The following SPTAN1 variants were observed in gnomAD, a reference collection of about 807,000 sequenced individuals.
SPTAN1 encodes spectrin alpha chain, non-erythrocytic 1.
SPTAN1 carries 61 observed loss-of-function variants against 331.3 expected under a neutral mutation model. The observed-to-expected ratio is 0.18, with a 90% CI of 0.15 to 0.23. The LOEUF is 0.23. Ranked by LOEUF, SPTAN1 falls within the 10% of genes least tolerant of loss-of-function variation. The pLI is 1.00. For synonymous variants in SPTAN1, 1,153 were observed against 1,173.9 expected (o/e 0.98, Z 0.36); for missense variants, 2,043 against 3,147.9 (o/e 0.65, Z 8.40).
chr9:128,593,604 A>T (rs1465493020), intron 23 of SPTAN1: 1 of 207,406 alleles, frequency 4.8e-6, no homozygotes, highest in African/African-American at 2.3e-5. Flanking sequence ...TGGCACAGAT[A>T]CTCAGTACTG....
chr9:128,578,690 A>G (rs760156963), intron 9 of SPTAN1, among the ~76,000 whole-genome samples: 3 of 152,058 alleles, frequency 2.0e-5, no homozygotes, highest in Non-Finnish European at 2.9e-5. Flanking sequence ...TTAGCTGGTC[A>G]TGGTGGCACG....
intron 22 of SPTAN1, among the ~76,000 whole-genome samples, chr9:128,592,306 GCT>G (rs1208974282): frequency 1.3e-5 from 2 of 148,474 alleles, no homozygotes; most frequent in African/African-American, 5.0e-5. Flanking sequence ...ACAGATTCTC[GCT>G]CTGTCATCCA....
Position 128,583,808 on chromosome 9 carries a change from A to G in SPTAN1, c.2032A>G (p.Asn678Asp). ...CATAGGAATAAAGCTTCGTGAAGCC[A>G]ACCAGCAACAGCAATTTAATCGCAA... ...ELKGIKLREA[N>D]QQQQFNRNVE... Residue 678 changes from asparagine to aspartate, a missense_variant, in exon 16 of 57, where the codon AAC (asparagine) becomes GAC (aspartate). Around this residue, in one of 12 missense-constraint regions of SPTAN1, gnomAD observed 1,038 missense variants for 1,531.5 expected, o/e 0.68. Transcript: ENST00000372739. The G allele has an allele frequency of 6.2e-7, 1 of 1,614,242 alleles. No homozygotes were observed. Among genetic ancestry groups the G allele is most frequent in the Non-Finnish European group, 8.5e-7 (1 of 1,180,044 alleles).
At position 128,629,109 on chromosome 9, in the gene SPTAN1, T is replaced by C. The variant is rs1380627200; in HGVS notation, c.6707+1167T>C. 2 of 398,660 alleles carry C rather than the reference T, an allele frequency of 5.0e-6. No homozygotes were observed. Among genetic ancestry groups the C allele is most frequent in the Non-Finnish European group, 8.8e-6 (2 of 226,184 alleles). 24.7% of individuals were successfully genotyped at this position (398,660 alleles called of 1,614,324 possible). On this transcript the variant is annotated intron_variant, in intron 51 of 56. Coordinates refer to ENST00000372739, the MANE Select transcript of SPTAN1 (RefSeq NM_001130438.3). This position sits in a 1 kb window ranked among gnomAD's most constrained non-coding sequence, Gnocchi z 4.9. The stretch of plus-strand genomic sequence containing the variant: ...CTCCCTTTGGTGTATTCATTTGGTT[T>C]CTTTTCTTTGAATAGCATAGCATAT...
intron 10 of SPTAN1, among the ~76,000 whole-genome samples, chr9:128,579,969 T>C (rs562211193): frequency 2.0e-5 from 3 of 152,250 alleles, no homozygotes; most frequent in East Asian, 3.9e-4. Context: ...TTACAGGGAC[T>C]TTCTGTAGGG....
At chr9:128,555,298 TC>T in intron 1 of SPTAN1, 1 of 1,190,638 alleles carries the variant, frequency 8.4e-7, no homozygotes, top group Non-Finnish European at 1.1e-6. Flanking sequence ...ATGATTTTGT[TC>T]CGTTTGCCCT....
At chr9:128,624,199 G>T in intron 45 of SPTAN1, 129 bp from the exon 46 acceptor site, 8 of 947,192 alleles carry the variant, frequency 8.4e-6, no homozygotes, top group Non-Finnish European at 1.1e-5. Context: ...CCCTATCATT[G>T]TTTACCCAGC....
In SPTAN1 at chr9:128,609,448, G is replaced by T; in HGVS notation, c.4758+164G>T. ...GGGAAAGCCCTAGTCAAGTTTCAGA[G>T]CCATTTAAAAGTTGCCTTCCTCATT... On this transcript the variant is annotated intron_variant, in intron 36 of 56. Transcript: ENST00000372739. 12 of 1,203,212 alleles carry T rather than the reference G, an allele frequency of 1.0e-5. No individual in the cohort carries two copies. In the South Asian group the frequency reaches 1.6e-4, roughly 16 times the overall value. 74.5% of individuals were successfully genotyped at this position (1,203,212 alleles called of 1,614,324 possible).
intron 22 of SPTAN1, 46 bp downstream of exon 22, chr9:128,591,671 A>G (rs532868933): frequency 2.8e-5 from 45 of 1,611,282 alleles, no homozygotes; most frequent in Admixed American, 1.3e-4. Flanking sequence ...TCCCATAGGC[A>G]TACTCTGTTC....
chr9:128,569,153 A>T (rs989538968), intron 3 of SPTAN1, among the ~76,000 whole-genome samples: 1 of 152,194 alleles, frequency 6.6e-6, no homozygotes, highest in African/African-American at 2.4e-5. Flanking sequence ...TTTAAAGAAA[A>T]CTGTGAATTT....
Position 128,583,907 on chromosome 9 carries a change from A to T in SPTAN1, c.2131A>T (p.Thr711Ser). 1 of 1,614,232 alleles carries T rather than the reference A, an allele frequency of 6.2e-7. No homozygotes were observed. The highest frequency in any genetic ancestry group is 8.5e-7 in the Non-Finnish European group (1 of 1,180,054). Reference protein sequence around the residue: ...LASDDYGKDLTNVQNLQKKHA... With the variant: ...LASDDYGKDLSNVQNLQKKHA... ...TTCGGATGATTACGGCAAAGATCTT[A>T]CCAATGTGCAGAACCTCCAGAAGAA... Residue 711 changes from threonine to serine, a missense_variant, in exon 16 of 57, where the codon ACC (threonine) becomes TCC (serine). This residue lies in a region of SPTAN1 where 1,038 missense variants were observed against 1,531.5 expected (regional missense o/e 0.68). Coordinates refer to ENST00000372739, the MANE Select transcript of SPTAN1 (RefSeq NM_001130438.3).
rs1342900033 is a variant in SPTAN1 at position 128,598,493 on chromosome 9, G to A, written c.3508G>A (p.Val1170Met). 1 of 1,608,204 alleles carries A rather than the reference G, an allele frequency of 6.2e-7. No individual in the cohort carries two copies. ...EGLMAEEVQA[V>M]QQQEVYGMMP... is the part of the protein sequence containing the mutation. ...TCTCATGGCAGAGGAGGTGCAGGCTGTGCAACAACAGGTAGGTGTCTCCAT... is the reference window on the plus strand; with the variant it reads ...TCTCATGGCAGAGGAGGTGCAGGCTATGCAACAACAGGTAGGTGTCTCCAT... Residue 1170 changes from valine to methionine, a missense_variant, in exon 25 of 57, where the codon GTG becomes ATG. Transcript: ENST00000372739.
chr9:128,594,070 G>C, intron 23 of SPTAN1, 105 bp from the exon 24 acceptor site: 6 of 1,072,622 alleles, frequency 5.6e-6, no homozygotes, highest in Non-Finnish European at 2.9e-6. Context: ...CAAACTCGTA[G>C]CCTGGAATCC....
chr9:128,618,728 C>G, intron 43 of SPTAN1, 143 bp from the exon 44 acceptor site: 6 of 1,191,672 alleles, frequency 5.0e-6, no homozygotes, highest in Non-Finnish European at 6.2e-6. Flanking sequence ...CGTGATCTGC[C>G]CGCCTCGGCC....
In SPTAN1 at chr9:128,627,266, C is replaced by T. The variant is rs539704545; in HGVS notation, c.6577-120C>T. Reference sequence around the variant, plus strand: ...CGGCCTCATGTCTCCCAGCCTCCTCCTCTCATCTTTGGGGAGGTTCCTTGT... The same window carrying T: ...CGGCCTCATGTCTCCCAGCCTCCTCTTCTCATCTTTGGGGAGGTTCCTTGT... On this transcript the variant is annotated intron_variant, in intron 49 of 56. Transcript: ENST00000372739. The surrounding 1 kb of genome is among the most constrained non-coding windows in gnomAD (Gnocchi z 4.9). The T allele has an allele frequency of 1.1e-4, 91 of 845,376 alleles. No individual in the cohort carries two copies. Among genetic ancestry groups the T allele is most frequent in the Admixed American group, 1.9e-4 (9 of 46,602 alleles). The allele number at this position is 845,376 out of a possible 1,614,324, so 52.4% of individuals were successfully genotyped here. A position where few individuals can be genotyped will look rare whatever the true frequency, so the allele number is the denominator to read the frequency against.
intron 37 of SPTAN1, 36 bp from the exon 38 acceptor site, chr9:128,611,678 G>A: frequency 6.2e-7 from 1 of 1,612,004 alleles, no homozygotes; most frequent in Non-Finnish European, 8.5e-7. Flanking sequence ...AACCTAGCAG[G>A]AACTGGTTTG....
Position 128,627,674 on chromosome 9 carries a change from G to A in SPTAN1, c.6689+176G>A. On this transcript the variant is annotated intron_variant, in intron 50 of 56. Coordinates refer to ENST00000372739, the MANE Select transcript of SPTAN1 (RefSeq NM_001130438.3). This position sits in a 1 kb window ranked among gnomAD's most constrained non-coding sequence, Gnocchi z 4.9. ...TGGAGCCGGGAGTGGGGGCATAGGT[G>A]GAGCAGCCTCTCAGTGCTGCATGTC... is the stretch of plus-strand genomic sequence containing the variant. The A allele has an allele frequency of 1.3e-6, 1 of 786,326 alleles. No homozygotes were observed. Among genetic ancestry groups the A allele is most frequent in the Non-Finnish European group, 2.2e-6 (1 of 456,494 alleles). The allele number at this position is 786,326 out of a possible 1,614,324, so 48.7% of individuals were successfully genotyped here. A position where few individuals can be genotyped will look rare whatever the true frequency, so the allele number is the denominator to read the frequency against.
At chr9:128,630,842 T>G (rs1859599195) in intron 52 of SPTAN1, among the ~76,000 whole-genome samples, 1 of 152,100 alleles carries the variant, frequency 6.6e-6, no homozygotes, top group African/African-American at 2.4e-5. Flanking sequence ...GTAGCTGGGA[T>G]TACAGGCGCC....
At chr9:128,589,504 C>T (rs1294769281) in intron 21 of SPTAN1, among the ~76,000 whole-genome samples, 2 of 150,656 alleles carry the variant, frequency 1.3e-5, no homozygotes, top group Admixed American at 6.6e-5. Flanking sequence ...TCTCTATCTC[C>T]TGACCTCGTG....
Sources: allele counts gnomAD v4.1 joint callset (sites outside exome capture counted in the v4.1 genomes callset), GRCh38; gene constraint gnomAD v4.1.1; regional missense constraint gnomAD v4.1.1; non-coding constraint Gnocchi (gnomAD v3.1); transcripts MANE v1.5; gene names NCBI Gene and HGNC (gene_info 2026-07-23, HGNC 2026-07-21).